Variants in DDX46 observed in about 807,000 individuals in gnomAD.
DDX46 encodes the protein DEAD-box helicase 46.
DDX46 carries 30 observed loss-of-function variants against 134.9 expected under a neutral mutation model. The observed-to-expected ratio is 0.22, with a 90% CI of 0.17 to 0.30. DDX46 has a LOEUF of 0.30. Ranked by LOEUF, DDX46 falls within the 10% of genes least tolerant of loss-of-function variation. The probability of loss-of-function intolerance (pLI) is 1.00; values close to 1 mark genes in which losing one functional copy is unlikely to be tolerated. For missense variants in DDX46, 622 were observed against 1,248.7 expected (o/e 0.50, Z 7.56); for synonymous variants, 415 against 404.1 (o/e 1.03, Z -0.32).
At chr5:134,767,149 A>G (rs764621198) in intron 3 of DDX46, 89 bp downstream of exon 3, 382 of 1,458,896 alleles carry the variant, frequency 2.6e-4, no homozygotes, top group Non-Finnish European at 3.3e-4. Flanking sequence ...GTAAGTTTGT[A>G]TTTATAGAGA....
intron 21 of DDX46, among the ~76,000 whole-genome samples, chr5:134,821,189 C>T (rs964859336): frequency 6.6e-6 from 1 of 152,028 alleles, no homozygotes; most frequent in African/African-American, 2.4e-5. Context: ...AGGCGCCCAC[C>T]ACCATGCCCG....
chr5:134,788,025 CAAAA>C (rs576416864), intron 11 of DDX46, among the ~76,000 whole-genome samples: 3 of 53,310 alleles, frequency 5.6e-5, no homozygotes, highest in African/African-American at 6.5e-5. Context: ...GACCCTGTCT[CAAAA>C]AAAAAAAAAA....
At chr5:134,760,643 T>C (rs968046149) in intron 1 of DDX46, among the ~76,000 whole-genome samples, 5 of 152,218 alleles carry the variant, frequency 3.3e-5, no homozygotes, top group Non-Finnish European at 5.9e-5. Context: ...ATGTCTGATA[T>C]AGAATAGTGA....
chr5:134,776,517 A>G (rs1753941512), intron 5 of DDX46, among the ~76,000 whole-genome samples: 3 of 152,152 alleles, frequency 2.0e-5, no homozygotes, highest in Admixed American at 2.0e-4. Context: ...GAAGAAGAGG[A>G]GGAGGAGTTG....
rs1454928298 is a variant in DDX46 at position 134,817,485 on chromosome 5, T to C, written c.2614-11T>C. 1 of 1,610,734 alleles carries C rather than the reference T, an allele frequency of 6.2e-7. No homozygotes were observed. Among genetic ancestry groups the C allele is most frequent in the East Asian group, 2.2e-5 (1 of 44,840 alleles). On this transcript the variant is annotated splice_polypyrimidine_tract_variant and intron_variant, in intron 19 of 22. Coordinates refer to ENST00000452510, the MANE Select transcript of DDX46 (RefSeq NM_001300860.2). ...TCATTTGAGATTTAACTAAGTCTTC[T>C]TTAACTACAGGATGTGATGCAGCAG...
intron 21 of DDX46, among the ~76,000 whole-genome samples, chr5:134,822,657 A>G (rs769053044): frequency 4.9e-4 from 74 of 151,950 alleles, no homozygotes; most frequent in Non-Finnish European, 9.4e-4. Flanking sequence ...CTGGAGTGCA[A>G]TGACCCAGTC....
At chr5:134,804,698 A>C in intron 15 of DDX46, 1 of 205,492 alleles carries the variant, frequency 4.9e-6, no homozygotes, top group Non-Finnish European at 1.0e-5. Context: ...CATTTTTCAC[A>C]AAAATATGCT....
Position 134,811,725 on chromosome 5 carries a change from G to A in DDX46, c.2316G>A (p.Gly772=). The change falls in exon 18 of 23, where the codon GGG becomes GGA. Residue 772 remains glycine (G), a synonymous_variant. Coordinates refer to ENST00000452510, the MANE Select transcript of DDX46 (RefSeq NM_001300860.2). ...AEGKIIKKSS[G]FSGKGFKFDE... ...GGAAAATAATTAAAAAGAGTAGTGG[G>A]TTCTCTGGTAAGGGATTCAAGTTTG... is the stretch of plus-strand genomic sequence containing the variant. 1 of 1,610,056 alleles carries A rather than the reference G, an allele frequency of 6.2e-7. No individual in the cohort carries two copies. The highest frequency in any genetic ancestry group is 8.5e-7 in the Non-Finnish European group (1 of 1,179,046).
chr5:134,770,798 CAG>C, intron 3 of DDX46, 103 bp from the exon 4 acceptor site: 1 of 943,964 alleles, frequency 1.1e-6, no homozygotes, highest in Non-Finnish European at 1.5e-6. Flanking sequence ...GTCTGGGCGA[CAG>C]AGTGAGACAC....
In DDX46 at chr5:134,772,353, C is replaced by A. The variant is rs558229093; in HGVS notation, c.448-1343C>A. On this transcript the variant is annotated intron_variant, in intron 4 of 22. Coordinates refer to ENST00000452510, the MANE Select transcript of DDX46 (RefSeq NM_001300860.2). The stretch of plus-strand genomic sequence containing the variant: ...CTTGGCCACCATGGTGAAACCCTGT[C>A]TCTACTAAAAATACAAAAATTAGCT... Among the ~76,000 whole-genome samples, 4 of 152,150 alleles carry A rather than the reference C, an allele frequency of 2.6e-5. No individual in the cohort carries two copies. In the South Asian group the frequency reaches 8.3e-4, roughly 32 times the overall value.
At chr5:134,818,099 G>A (rs1237841395) in intron 20 of DDX46, among the ~76,000 whole-genome samples, 6 of 151,376 alleles carry the variant, frequency 4.0e-5, no homozygotes, top group East Asian at 2.0e-4. Context: ...ACAGGCATGC[G>A]CCACCATGCC....
intron 21 of DDX46, among the ~76,000 whole-genome samples, chr5:134,821,902 T>G (rs996434460): frequency 4.0e-5 from 6 of 150,624 alleles, no homozygotes; most frequent in Non-Finnish European, 5.9e-5. Flanking sequence ...TTTTGTTTTT[T>G]TTTTTTTTGA....
intron 14 of DDX46, 57 bp from the exon 15 acceptor site, chr5:134,795,931 C>T (rs756192642): frequency 5.4e-6 from 8 of 1,491,146 alleles, no homozygotes; most frequent in African/African-American, 1.4e-5. Flanking sequence ...ATATTTCTGT[C>T]CAGGGGATCC....
At chr5:134,795,537 G>C (rs1345730945) in intron 14 of DDX46, among the ~76,000 whole-genome samples, 1 of 152,140 alleles carries the variant, frequency 6.6e-6, no homozygotes, top group Non-Finnish European at 1.5e-5. Context: ...GTCACCAAAA[G>C]TGGTGAGTGG....
intron 21 of DDX46, among the ~76,000 whole-genome samples, chr5:134,823,118 AACTC>A (rs1755499280): frequency 6.7e-6 from 1 of 149,816 alleles, no homozygotes; most frequent in Admixed American, 6.7e-5. Flanking sequence ...ACTAGCAACT[AACTC>A]AGGTTTTGTT....
intron 3 of DDX46, among the ~76,000 whole-genome samples, chr5:134,768,042 G>A (rs1377998383): frequency 6.6e-6 from 1 of 151,738 alleles, no homozygotes; most frequent in Non-Finnish European, 1.5e-5. Flanking sequence ...CATGTAAAGA[G>A]CCCAGAAAGG....
At chr5:134,817,433 G>C (rs1238831384) in intron 19 of DDX46, 63 bp from the exon 20 acceptor site, 9 of 1,484,212 alleles carry the variant, frequency 6.1e-6, no homozygotes, top group African/African-American at 1.4e-5. Context: ...ATAATTTGTG[G>C]TGTGGTCCCT....
chr5:134,806,447 C>A (rs1465585341), intron 15 of DDX46, among the ~76,000 whole-genome samples: 1 of 152,048 alleles, frequency 6.6e-6, no homozygotes, highest in African/African-American at 2.4e-5. Flanking sequence ...ATATTCAATT[C>A]TAAGGAATCA....
chr5:134,788,174 G>A (rs1278334702), intron 11 of DDX46, among the ~76,000 whole-genome samples: 5 of 151,960 alleles, frequency 3.3e-5, no homozygotes, highest in Non-Finnish European at 7.4e-5. Context: ...GCTCAGGCTG[G>A]AGTGCAAGGA....
Sources: gnomAD v4.1 joint callset for allele counts (sites outside exome capture counted in the v4.1 genomes callset) on GRCh38, gnomAD v4.1.1 for gene constraint, MANE v1.5 for transcripts, NCBI Gene and HGNC (gene_info 2026-07-23, HGNC 2026-07-21) for gene names.